Variants in DIP2C observed in about 807,000 individuals in gnomAD.
DIP2C encodes disco-interacting protein 2 homolog C.
In DIP2C, 33 loss-of-function variants were observed where a neutral mutation model predicts 192.4. That is an observed-to-expected ratio of 0.17 (90% confidence interval 0.13 to 0.23). The LOEUF (loss-of-function observed/expected upper bound fraction) is 0.23, where lower values mean the gene tolerates loss of function less well. Ranked by LOEUF, DIP2C falls within the 10% of genes least tolerant of loss-of-function variation. The pLI, the probability that DIP2C is intolerant of heterozygous loss-of-function variation, is 1.00. For synonymous variants in DIP2C, 979 were observed against 864.1 expected (o/e 1.13, Z -2.33); for missense variants, 1,537 against 2,110.1 (o/e 0.73, Z 5.32).
chr10:510,590 T>C (rs1280268771), intron 1 of DIP2C, among the ~76,000 whole-genome samples: 1 of 152,206 alleles, frequency 6.6e-6, no homozygotes, highest in African/African-American at 2.4e-5. Flanking sequence ...AGCCAAGTGC[T>C]GGCTGAGATT....
intron 3 of DIP2C, among the ~76,000 whole-genome samples, chr10:461,656 T>A (rs1969789610): frequency 6.6e-6 from 1 of 152,192 alleles, no homozygotes; most frequent in African/African-American, 2.4e-5. Flanking sequence ...TATTCAGGAC[T>A]TGAACTCAGC....
At chr10:420,507 A>T (rs1564690563) in intron 5 of DIP2C, among the ~76,000 whole-genome samples, 2 of 151,666 alleles carry the variant, frequency 1.3e-5, no homozygotes, top group African/African-American at 4.8e-5. Context: ...ACCAACACAC[A>T]CCCCCTCAAG....
Position 629,977 on chromosome 10 carries a change from C to T in DIP2C, c.85+59517G>A, listed in dbSNP as rs991083739. 3 of 152,384 alleles carry T rather than the reference C, an allele frequency of 2.0e-5. 1 individual carries two copies. The South Asian group carries it at 6.2e-4, about 32-fold the overall frequency. 9.4% of individuals were successfully genotyped at this position (152,384 alleles called of 1,614,324 possible). ...GAACTTGGCTCCCCACGAGGGCGGC[C>T]TATTCCCCACAGTGTCCCCCGGGGG... On this transcript the variant is annotated intron_variant, in intron 1 of 36. Transcript: ENST00000280886.
chr10:517,210 C>G (rs914837159), intron 1 of DIP2C, among the ~76,000 whole-genome samples: 2 of 152,152 alleles, frequency 1.3e-5, no homozygotes, highest in Admixed American at 6.5e-5. Flanking sequence ...CTCCATTTCT[C>G]CACTGGATTC....
intron 35 of DIP2C, 46 bp from the exon 36 acceptor site, chr10:281,369 C>T: frequency 6.5e-7 from 1 of 1,530,248 alleles, no homozygotes; most frequent in East Asian, 2.4e-5. Flanking sequence ...TAATGCCGCT[C>T]AAGCCGTTTC....
At chr10:368,521 G>C (rs1960571937) in intron 18 of DIP2C, among the ~76,000 whole-genome samples, 1 of 152,202 alleles carries the variant, frequency 6.6e-6, no homozygotes, top group Admixed American at 6.5e-5. Context: ...TAGTGAGGAG[G>C]AGGGAAGCCA....
chr10:592,296 T>C (rs537400912), intron 1 of DIP2C, among the ~76,000 whole-genome samples: 2 of 152,318 alleles, frequency 1.3e-5, no homozygotes, highest in South Asian at 4.1e-4. Context: ...TGTGTGGCTG[T>C]AATGAGGGCT....
intron 1 of DIP2C, among the ~76,000 whole-genome samples, chr10:557,695 T>C (rs1336426767): frequency 0.12 from 1,974 of 15,826 alleles, 207 homozygotes; most frequent in African/African-American, 0.33. Context: ...GGGGTGGGGG[T>C]GGGGGCGGGG....
intron 19 of DIP2C, among the ~76,000 whole-genome samples, chr10:365,649 AAAGAT>A (rs1441303061): frequency 5.3e-5 from 8 of 152,368 alleles, no homozygotes; most frequent in Admixed American, 2.6e-4. Flanking sequence ...TACTTGGTAA[AAAGAT>A]AAGAGTTCTG....
chr10:477,003 G>A (rs1302247546), intron 2 of DIP2C, among the ~76,000 whole-genome samples: 1 of 69,144 alleles, frequency 1.4e-5, no homozygotes, highest in African/African-American at 6.0e-5. Flanking sequence ...ACAGAGGGCT[G>A]GAACATTTCC....
rs74454172 is a variant in DIP2C at position 521,762 on chromosome 10, T to C, written c.86-35232A>G. On this transcript the variant is annotated intron_variant, in intron 1 of 36. Transcript: ENST00000280886. ...TCTATCTGGCCAGCACTATTTTTTG[T>C]TTGCCTTTTCAATAGACTTTTTAAA... 4.9e-3 allele frequency among the ~76,000 whole-genome samples: 741 copies of C among 152,332 alleles called. 17 individuals are homozygous for C. The highest frequency in any genetic ancestry group is 0.038 in the East Asian group (198 of 5,182).
At chr10:534,365 G>A (rs1037317085) in intron 1 of DIP2C, among the ~76,000 whole-genome samples, 1 of 152,236 alleles carries the variant, frequency 6.6e-6, no homozygotes. Context: ...GGCGGCAGGA[G>A]GGAAGCAGCC....
At chr10:627,386 A>G (rs1430896903) in intron 1 of DIP2C, among the ~76,000 whole-genome samples, 1 of 152,182 alleles carries the variant, frequency 6.6e-6, no homozygotes, top group Non-Finnish European at 1.5e-5. Context: ...AGAGAACTGG[A>G]TTTTCAGCTG....
intron 1 of DIP2C, among the ~76,000 whole-genome samples, chr10:618,504 C>A (rs1485748782): frequency 6.6e-6 from 1 of 152,232 alleles, no homozygotes; most frequent in African/African-American, 2.4e-5. Flanking sequence ...CACGAGCAGG[C>A]GCCCACCATG....
chr10:605,213 A>C (rs1852377917), intron 1 of DIP2C, among the ~76,000 whole-genome samples: 1 of 152,192 alleles, frequency 6.6e-6, no homozygotes, highest in Non-Finnish European at 1.5e-5. Flanking sequence ...TTCTAGATGA[A>C]AGCAACGTGT....
intron 9 of DIP2C, among the ~76,000 whole-genome samples, chr10:399,994 A>C (rs953206625): frequency 7.2e-5 from 11 of 152,206 alleles, no homozygotes; most frequent in African/African-American, 2.7e-4. Flanking sequence ...CAGAGTTCTA[A>C]AAGTGTGGTT....
intron 1 of DIP2C, among the ~76,000 whole-genome samples, chr10:616,804 T>C (rs780493573): frequency 2.0e-5 from 3 of 151,986 alleles, no homozygotes; most frequent in Non-Finnish European, 4.4e-5. Flanking sequence ...TTAACACAAT[T>C]CTGATGAAAA....
chr10:289,958 G>A (rs1316782718), intron 32 of DIP2C, among the ~76,000 whole-genome samples: 1 of 152,222 alleles, frequency 6.6e-6, no homozygotes, highest in African/African-American at 2.4e-5. Context: ...TGAGGCCACA[G>A]GACAATTCCT....
chr10:531,441 C>A (rs144245208), intron 1 of DIP2C, among the ~76,000 whole-genome samples: 5 of 152,124 alleles, frequency 3.3e-5, no homozygotes, highest in African/African-American at 1.2e-4. Context: ...AACCTTTTTC[C>A]TTCCTCTGTA....
Sources: allele counts gnomAD v4.1 joint callset (sites outside exome capture counted in the v4.1 genomes callset), GRCh38; gene constraint gnomAD v4.1.1; transcripts MANE v1.5; gene names NCBI Gene and HGNC (gene_info 2026-07-23, HGNC 2026-07-21).